The following CXADR variants were observed in gnomAD, a reference collection of about 807,000 sequenced individuals.
CXADR encodes coxsackievirus and adenovirus receptor.
A neutral mutation model predicts 40.3 loss-of-function variants in CXADR; 20 were observed. The observed-to-expected ratio is 0.50, with a 90% CI of 0.35 to 0.72. The LOEUF is 0.72. CXADR is among the 30% of genes least tolerant of loss of function. CXADR has a pLI of 0.01. For missense variants in CXADR, 332 were observed against 449.1 expected, an observed-to-expected ratio of 0.74 and a Z score of 2.36; for synonymous variants, 150 against 161.3, an observed-to-expected ratio of 0.93 and a Z score of 0.53.
At chr21:17,528,794 C>T (rs1299760340) in intron 1 of CXADR, among the ~76,000 whole-genome samples, 1 of 152,148 alleles carries the variant, frequency 6.6e-6, no homozygotes, top group African/African-American at 2.4e-5. Context: ...TTCTGCATCA[C>T]ACCTTCTCCT....
downstream of CXADR, among the ~76,000 whole-genome samples, chr21:17,574,974 ATATATATAT>A (rs1569149637): frequency 1.4e-5 from 1 of 70,000 alleles, no homozygotes; most frequent in African/African-American, 5.2e-5. Context: ...AATATGGAAT[ATATATATAT>A]TACATATATA....
At chr21:17,620,765 C>G in the CXADR span, among the ~76,000 whole-genome samples, 1 of 151,878 alleles carries the variant, frequency 6.6e-6, no homozygotes, top group African/African-American at 2.4e-5. Flanking sequence ...TCAGGGTCCT[C>G]TAGAGTCAGA....
intron 1 of CXADR, chr21:17,518,926 C>A: frequency 6.3e-7 from 1 of 1,597,520 alleles, no homozygotes; most frequent in Non-Finnish European, 8.6e-7. Context: ...CACCTTCTTT[C>A]TGCGAGCTGT....
At chr21:17,626,120 G>T in the CXADR span, among the ~76,000 whole-genome samples, 1 of 152,110 alleles carries the variant, frequency 6.6e-6, no homozygotes, top group Non-Finnish European at 1.5e-5. Context: ...GGTTTCCTAT[G>T]CATTTCCCCC....
At chr21:17,534,095 TATA>T (rs1411221715) in intron 1 of CXADR, among the ~76,000 whole-genome samples, 49 of 96,212 alleles carry the variant, frequency 5.1e-4, no homozygotes, top group African/African-American at 2.3e-3. Context: ...TATATATATA[TATA>T]TATTTTTTTT....
At chr21:17,600,889 C>A in the CXADR span, among the ~76,000 whole-genome samples, 3 of 152,014 alleles carry the variant, frequency 2.0e-5, no homozygotes, top group South Asian at 4.2e-4. Context: ...AGGGGCTGGG[C>A]GCGGTGGCTC....
intron 6 of CXADR, among the ~76,000 whole-genome samples, chr21:17,563,191 T>C (rs922719568): frequency 1.3e-5 from 2 of 152,178 alleles, no homozygotes; most frequent in African/African-American, 4.8e-5. Context: ...AAGAGAGCCT[T>C]GCTGATGATT....
chr21:17,626,492 T>C, the CXADR span, among the ~76,000 whole-genome samples: 8 of 152,172 alleles, frequency 5.3e-5, no homozygotes, highest in African/African-American at 1.9e-4. Flanking sequence ...TATTTCTTAC[T>C]TGATGAAAAG....
At position 17,569,443 on chromosome 21, in the gene CXADR, T is replaced by G. The variant is rs2061256609; in HGVS notation, c.*3751T>G. 4.1e-6 allele frequency: 4 copies of G among 985,048 alleles called. No homozygotes were observed. In the South Asian group the frequency reaches 1.9e-4, roughly 46 times the overall value. The allele number at this position is 985,048 out of a possible 1,614,324, so 61.0% of individuals were successfully genotyped here. ...TAAATGTTCTGGGCAAGTTTTAATA[T>G]TTTGAATGCCTTTGGATATTCCAGC... On this transcript the variant is annotated 3_prime_UTR_variant, in exon 7 of 7. Transcript: ENST00000284878.
At chr21:17,636,100 A>G in the CXADR span, among the ~76,000 whole-genome samples, 1 of 152,316 alleles carries the variant, frequency 6.6e-6, no homozygotes, top group East Asian at 1.9e-4. Context: ...GTTTATTGCT[A>G]ATATAAAGAA....
intron 2 of CXADR, among the ~76,000 whole-genome samples, chr21:17,551,384 C>T (rs2060965956): frequency 6.6e-6 from 1 of 151,768 alleles, no homozygotes; most frequent in Non-Finnish European, 1.5e-5. Context: ...CAGACACAGA[C>T]TCCACCTCAA....
intron 1 of CXADR, among the ~76,000 whole-genome samples, chr21:17,536,193 T>G (rs1263914747): frequency 6.6e-6 from 1 of 152,224 alleles, no homozygotes; most frequent in East Asian, 1.9e-4. Context: ...AATACGTAGT[T>G]GTGATTTTAG....
rs1430173710 is a variant in CXADR, at chr21:17,528,464, G to A, written c.43+15292G>A. Among the ~76,000 whole-genome samples the A allele has an allele frequency of 7.2e-5, 11 of 151,822 alleles. No individual in the cohort carries two copies. The East Asian group carries it at 1.9e-3, about 27-fold the overall frequency. ...CTCGTTACCCAGGCTGGAGTGCAGT[G>A]GCGCGATCTCGGCTCACCGTAACCT... On this transcript the variant is annotated intron_variant, in intron 1 of 6. Coordinates refer to ENST00000284878, the MANE Select transcript of CXADR (RefSeq NM_001338.5).
chr21:17,546,175 A>G (rs1227577600), intron 1 of CXADR, among the ~76,000 whole-genome samples: 2 of 152,220 alleles, frequency 1.3e-5, no homozygotes, highest in African/African-American at 4.8e-5. Context: ...TAAGCATTCA[A>G]TAGAAGGTTA....
chr21:17,568,178 G>C lies in CXADR; in HGVS notation c.*2486G>C, dbSNP rs939663833. Reference sequence around the variant, plus strand: ...GAGTCTCGGTCTGTCACCCAGGCTGGAGTGCAGTGGCGGGATCTCGGCTCA... The same window carrying C: ...GAGTCTCGGTCTGTCACCCAGGCTGCAGTGCAGTGGCGGGATCTCGGCTCA... On this transcript the variant is annotated 3_prime_UTR_variant, in exon 7 of 7. Coordinates refer to ENST00000284878, the MANE Select transcript of CXADR (RefSeq NM_001338.5). 63 of 965,792 alleles carry C rather than the reference G, an allele frequency of 6.5e-5. No individual in the cohort carries two copies. Among genetic ancestry groups the C allele is most frequent in the Non-Finnish European group, 7.6e-5 (62 of 819,038 alleles). The allele number at this position is 965,792 out of a possible 1,614,324, so 59.8% of individuals were successfully genotyped here.
intron 1 of CXADR, among the ~76,000 whole-genome samples, chr21:17,518,059 C>A (rs970172650): frequency 2.0e-4 from 30 of 152,156 alleles, no homozygotes; most frequent in African/African-American, 7.2e-4. Context: ...TGGTAAAAAT[C>A]TCTTCAGATC....
the CXADR span, among the ~76,000 whole-genome samples, chr21:17,607,484 C>G: frequency 1.3e-5 from 2 of 152,176 alleles, no homozygotes; most frequent in Admixed American, 1.3e-4. Context: ...TTCCAATTTA[C>G]TGGAAACCTC....
At chr21:17,536,946 C>G (rs1600978214) in intron 1 of CXADR, among the ~76,000 whole-genome samples, 1 of 151,902 alleles carries the variant, frequency 6.6e-6, no homozygotes, top group African/African-American at 2.4e-5. Context: ...TTAATAGAGA[C>G]GCGGTTTCAC....
chr21:17,573,865 C>G (rs2061299170), downstream of CXADR, among the ~76,000 whole-genome samples: 1 of 152,198 alleles, frequency 6.6e-6, no homozygotes, highest in South Asian at 2.1e-4. Context: ...CGAGATTGTG[C>G]CTCTGCACTC....
Sources: gnomAD v4.1 joint callset for allele counts (sites outside exome capture counted in the v4.1 genomes callset) on GRCh38, gnomAD v4.1.1 for gene constraint, MANE v1.5 for transcripts, NCBI Gene and HGNC (gene_info 2026-07-23, HGNC 2026-07-21) for gene names.